CACNA2D3: variants seen among roughly 807,000 people sequenced by gnomAD.
CACNA2D3 encodes the protein voltage-dependent calcium channel subunit alpha-2/delta-3.
A neutral mutation model predicts 160.6 loss-of-function variants in CACNA2D3; 60 were observed. The observed-to-expected ratio is 0.37, with a 90% CI of 0.30 to 0.46. The LOEUF is 0.46. CACNA2D3 is among the 20% of genes least tolerant of loss of function. The pLI is 1.00. For missense variants in CACNA2D3, 1,205 were observed against 1,365.0 expected (o/e 0.88, Z 1.85); for synonymous variants, 558 against 492.9 (o/e 1.13, Z -1.75).
At chr3:54,272,015 G>A (rs140944931) in intron 2 of CACNA2D3, among the ~76,000 whole-genome samples, 44 of 152,282 alleles carry the variant, frequency 2.9e-4, no homozygotes, top group African/African-American at 1.0e-3. Context: ...TCTTGTTTCA[G>A]TATAAAGCTT....
At chr3:54,369,850 T>A (rs970020316) in intron 3 of CACNA2D3, among the ~76,000 whole-genome samples, 2 of 152,220 alleles carry the variant, frequency 1.3e-5, no homozygotes, top group Non-Finnish European at 2.9e-5. Context: ...GCATTAGGCA[T>A]AGTTATTATA....
At chr3:54,483,537 G>A (rs1206602776) in intron 4 of CACNA2D3, among the ~76,000 whole-genome samples, 1 of 152,150 alleles carries the variant, frequency 6.6e-6, no homozygotes, top group African/African-American at 2.4e-5. Flanking sequence ...CTCAAATGAA[G>A]TGTCAAGGCA....
chr3:54,803,753 T>C (rs1392299039), intron 13 of CACNA2D3, among the ~76,000 whole-genome samples: 1 of 151,936 alleles, frequency 6.6e-6, no homozygotes, highest in Non-Finnish European at 1.5e-5. Context: ...CACATAATTG[T>C]CAGATTCACC....
At chr3:54,215,044 C>T (rs1291693726) in intron 2 of CACNA2D3, among the ~76,000 whole-genome samples, 1 of 152,130 alleles carries the variant, frequency 6.6e-6, no homozygotes, top group Non-Finnish European at 1.5e-5. Flanking sequence ...TGACATCATC[C>T]TGTCCCCTCC....
chr3:54,315,064 C>T (rs1181792319), intron 2 of CACNA2D3, among the ~76,000 whole-genome samples: 2 of 152,218 alleles, frequency 1.3e-5, no homozygotes, highest in Non-Finnish European at 2.9e-5. Context: ...GCCTGCACAG[C>T]TGTGTGGAGA....
intron 2 of CACNA2D3, among the ~76,000 whole-genome samples, chr3:54,279,077 T>TGTACACGGA (rs1702813047): frequency 6.6e-6 from 1 of 152,180 alleles, no homozygotes; most frequent in Admixed American, 6.5e-5. Context: ...CGATACCTAA[T>TGTACACGGA]TCACTGCTAT....
intron 3 of CACNA2D3, among the ~76,000 whole-genome samples, chr3:54,342,856 C>A (rs1013694511): frequency 6.6e-6 from 1 of 152,196 alleles, no homozygotes; most frequent in Non-Finnish European, 1.5e-5. Flanking sequence ...CCATAGCTCT[C>A]GGGCTGTGCG....
intron 34 of CACNA2D3, among the ~76,000 whole-genome samples, chr3:55,013,768 G>A (rs774065997): frequency 2.0e-5 from 3 of 152,130 alleles, no homozygotes; most frequent in Non-Finnish European, 2.9e-5. Context: ...CTGGCACCCG[G>A]TTGTGAACAG....
intron 4 of CACNA2D3, among the ~76,000 whole-genome samples, chr3:54,405,420 A>G (rs188485303): frequency 3.3e-5 from 5 of 152,242 alleles, no homozygotes. Context: ...AAATCCAAAC[A>G]TATGTGGTCA....
intron 5 of CACNA2D3, among the ~76,000 whole-genome samples, chr3:54,520,501 C>T (rs1472061394): frequency 6.6e-6 from 1 of 152,192 alleles, no homozygotes; most frequent in East Asian, 1.9e-4. Context: ...GAGAGACAAC[C>T]TGGGGAGCCT....
intron 35 of CACNA2D3, among the ~76,000 whole-genome samples, chr3:55,021,537 T>C (rs551621811): frequency 1.9e-4 from 29 of 150,536 alleles, no homozygotes; most frequent in African/African-American, 6.1e-4. Context: ...TATATGTATA[T>C]AGATATAAGC....
At chr3:54,764,099 C>T in intron 12 of CACNA2D3, 119 bp from the exon 13 acceptor site, 1 of 1,099,310 alleles carries the variant, frequency 9.1e-7, no homozygotes. Context: ...GAGGAGCTAA[C>T]ATTGAAAAGA....
At chr3:54,159,088 A>AC (rs1700295970) in intron 2 of CACNA2D3, among the ~76,000 whole-genome samples, 2 of 151,590 alleles carry the variant, frequency 1.3e-5, no homozygotes, top group Non-Finnish European at 2.9e-5. Context: ...TTTGAATCAA[A>AC]CCCTCTTTAA....
intron 11 of CACNA2D3, among the ~76,000 whole-genome samples, chr3:54,715,190 A>G (rs767648822): frequency 9.2e-5 from 14 of 152,204 alleles, no homozygotes; most frequent in Non-Finnish European, 1.6e-4. Context: ...CTTGAGATCT[A>G]TTAACTTTCT....
chr3:54,841,994 A>T (rs1371084894), intron 16 of CACNA2D3, among the ~76,000 whole-genome samples: 3 of 152,228 alleles, frequency 2.0e-5, no homozygotes, highest in Non-Finnish European at 4.4e-5. Flanking sequence ...ATGGACAGGA[A>T]GACTGGTTCT....
At chr3:54,752,478 C>G (rs1701876953) in intron 11 of CACNA2D3, 121 bp from the exon 12 acceptor site, 1 of 673,918 alleles carries the variant, frequency 1.5e-6, no homozygotes. Flanking sequence ...AAATATGTTC[C>G]TGCAGATGGG....
chr3:54,327,973 G>C (rs1553624136), intron 3 of CACNA2D3, among the ~76,000 whole-genome samples: 1 of 152,214 alleles, frequency 6.6e-6, no homozygotes, highest in Non-Finnish European at 1.5e-5. Flanking sequence ...CAATCAAGCA[G>C]CTCTCTCTTA....
chr3:54,902,465 C>A (rs908692784), intron 27 of CACNA2D3, among the ~76,000 whole-genome samples: 17 of 152,308 alleles, frequency 1.1e-4, no homozygotes, highest in African/African-American at 4.1e-4. Flanking sequence ...GGGCCCCATC[C>A]ATCTTCCCGG....
chr3:54,221,760 G>A (rs570906882), intron 2 of CACNA2D3, among the ~76,000 whole-genome samples: 22 of 152,116 alleles, frequency 1.4e-4, no homozygotes, highest in Non-Finnish European at 2.6e-4. Flanking sequence ...AATAACTAAT[G>A]GAGTGTAAAT....
Sources: allele counts gnomAD v4.1 joint callset (sites outside exome capture counted in the v4.1 genomes callset), GRCh38; gene constraint gnomAD v4.1.1; transcripts MANE v1.5; gene names NCBI Gene and HGNC (gene_info 2026-07-23, HGNC 2026-07-21).